The following MPP7 variants were observed in gnomAD, a reference collection of about 807,000 sequenced individuals.
MPP7 encodes the protein MAGUK p55 subfamily member 7.
Under a neutral mutation model 76.5 loss-of-function variants are expected in MPP7, and 60 were observed. The ratio of observed to expected loss-of-function variants is 0.78; its 90% confidence interval spans 0.64 to 0.97. MPP7 has a LOEUF of 0.97. MPP7 is among the 50% of genes least tolerant of loss of function. The pLI, the probability that MPP7 is intolerant of heterozygous loss-of-function variation, is 0.00. For synonymous variants in MPP7, 237 were observed against 244.5 expected, an observed-to-expected ratio of 0.97 and a Z score of 0.29; for missense variants, 641 against 694.0, an observed-to-expected ratio of 0.92 and a Z score of 0.86.
At chr10:28,209,688 T>A (rs942324304) in intron 2 of MPP7, among the ~76,000 whole-genome samples, 2 of 152,198 alleles carry the variant, frequency 1.3e-5, no homozygotes, top group Non-Finnish European at 2.9e-5. Flanking sequence ...CTTAACAATA[T>A]GCTAAGCCTG....
At chr10:28,074,381 T>C (rs558901301) in intron 12 of MPP7, among the ~76,000 whole-genome samples, 151 of 152,142 alleles carry the variant, frequency 9.9e-4, no homozygotes, top group Non-Finnish European at 1.8e-3. Context: ...CACTGCAACC[T>C]CCGCTTCCTG....
intron 14 of MPP7, 77 bp downstream of exon 14, chr10:28,059,573 T>A: frequency 1.2e-6 from 1 of 817,100 alleles, no homozygotes; most frequent in South Asian, 1.5e-5. Context: ...AATGGAGAAC[T>A]CTCAGTTGTC....
chr10:28,196,349 AG>A (rs1198208168), intron 3 of MPP7, among the ~76,000 whole-genome samples: 5 of 151,966 alleles, frequency 3.3e-5, no homozygotes, highest in African/African-American at 9.7e-5. Flanking sequence ...GCGTGGGGGC[AG>A]GTGCCTGTAA....
intron 3 of MPP7, among the ~76,000 whole-genome samples, chr10:28,180,799 G>A (rs73608057): frequency 0.016 from 2,431 of 152,280 alleles, 48 homozygotes; most frequent in African/African-American, 0.054. Context: ...AATGGGGGCT[G>A]GAGGGTAGGA....
intron 1 of MPP7, among the ~76,000 whole-genome samples, chr10:28,274,391 G>C (rs940399072): frequency 6.6e-6 from 1 of 151,770 alleles, no homozygotes; most frequent in African/African-American, 2.4e-5. Flanking sequence ...AAGCCACCGC[G>C]CCCGGCCAAA....
chr10:28,270,935 C>T (rs943774218), intron 1 of MPP7, among the ~76,000 whole-genome samples: 1 of 152,062 alleles, frequency 6.6e-6, no homozygotes, highest in African/African-American at 2.4e-5. Context: ...GTTTTTTGGA[C>T]TTTTTAGTAC....
Position 28,202,263 on chromosome 10 carries a change from C to T in MPP7, c.46G>A (p.Glu16Lys), listed in dbSNP as rs201119298. ...TGSGSDTGLY[E>K]LLAALPAQLQ... ...TGGGCTGGCAGAGCAGCCAACAGCT[C>T]ATACAGACCTATAAAATGAAAATAA... is the stretch of plus-strand genomic sequence containing the variant. The change falls in exon 3 of 17, where the codon GAG becomes AAG. Residue 16 changes from glutamate (E) to lysine (K), a missense_variant. By Grantham distance (56) the Glu-to-Lys change is moderately conservative. Coordinates refer to ENST00000683449, the MANE Select transcript of MPP7 (RefSeq NM_001318170.2). The T allele has an allele frequency of 7.5e-6, 12 of 1,606,890 alleles. No homozygotes were observed. Among genetic ancestry groups the T allele is most frequent in the African/African-American group, 1.3e-5 (1 of 74,800 alleles).
Position 28,248,843 on chromosome 10 carries a change from T to C in MPP7, c.-131-10108A>G, listed in dbSNP as rs565671534. The stretch of plus-strand genomic sequence containing the variant: ...GGCTGCACCATGCAGCCTAGGTGTG[T>C]AGTGGGCTCTGCCATTTGGGTTTGC... On this transcript the variant is annotated intron_variant, in intron 1 of 16. Coordinates refer to ENST00000683449, the MANE Select transcript of MPP7 (RefSeq NM_001318170.2). Among the ~76,000 whole-genome samples, 525 of 152,298 alleles carry C rather than the reference T, an allele frequency of 3.4e-3. 5 individuals carry two copies. Among genetic ancestry groups the C allele is most frequent in the African/African-American group, 0.012 (485 of 41,564 alleles).
chr10:28,222,843 C>A (rs1338856131), intron 2 of MPP7, among the ~76,000 whole-genome samples: 3 of 138,878 alleles, frequency 2.2e-5, no homozygotes, highest in African/African-American at 8.4e-5. Context: ...CAGAGCAAGA[C>A]TCCATCTCAA....
At chr10:28,225,868 C>T (rs1838671304) in intron 2 of MPP7, among the ~76,000 whole-genome samples, 2 of 152,122 alleles carry the variant, frequency 1.3e-5, no homozygotes, top group African/African-American at 4.8e-5. Context: ...AGTGACTTGG[C>T]TAATTTTAGG....
At chr10:28,198,447 C>T (rs1475151883) in intron 3 of MPP7, among the ~76,000 whole-genome samples, 1 of 151,862 alleles carries the variant, frequency 6.6e-6, no homozygotes, top group Admixed American at 6.6e-5. Context: ...TGGTGACAGA[C>T]GGCTGCAGTC....
rs1564643713 is a variant in MPP7 at position 28,124,110 on chromosome 10, A to G, written c.536T>C (p.Ile179Thr). 9 of 1,605,548 alleles carry G rather than the reference A, an allele frequency of 5.6e-6. No homozygotes were observed. The highest frequency in any genetic ancestry group is 6.8e-6 in the Non-Finnish European group (8 of 1,172,378). The change falls in exon 8 of 17, where the codon ATT becomes ACT. Residue 179 changes from isoleucine (I) to threonine (T), a missense_variant. Ile to Thr is a moderately conservative substitution (Grantham distance 89, BLOSUM62 -1). Coordinates refer to ENST00000683449, the MANE Select transcript of MPP7 (RefSeq NM_001318170.2). The stretch of plus-strand genomic sequence containing the variant: ...TTCCCTAAGTTCATCACCAACATGA[A>G]TAAGACCTGAGAAATAGGAGATTTG... ...RGGAADRSGL[I>T]HVGDELREVN...
At chr10:28,182,930 C>T (rs7067826) in intron 3 of MPP7, among the ~76,000 whole-genome samples, 125,535 of 152,112 alleles carry the variant, frequency 0.83, 52,415 homozygotes, top group African/African-American at 0.89. Flanking sequence ...ATACAAAAAT[C>T]AGCCGGGCGT....
chr10:28,200,036 C>T (rs1218951645), intron 3 of MPP7, among the ~76,000 whole-genome samples: 2 of 152,166 alleles, frequency 1.3e-5, no homozygotes, highest in Admixed American at 1.3e-4. Flanking sequence ...GATTTTGATT[C>T]ACTCTACCAC....
intron 1 of MPP7, among the ~76,000 whole-genome samples, chr10:28,271,765 G>A (rs1475918161): frequency 1.3e-5 from 2 of 152,148 alleles, no homozygotes; most frequent in Non-Finnish European, 2.9e-5. Context: ...CACGAGGTCA[G>A]GAGATCAAGA....
intron 13 of MPP7, among the ~76,000 whole-genome samples, chr10:28,061,022 G>A (rs1392212350): frequency 1.3e-5 from 2 of 152,110 alleles, no homozygotes; most frequent in Non-Finnish European, 2.9e-5. Flanking sequence ...ACAAAGGTGA[G>A]ATAAAAGAAG....
chr10:28,117,089 G>A (rs1212888605), intron 11 of MPP7, among the ~76,000 whole-genome samples: 1 of 151,956 alleles, frequency 6.6e-6, no homozygotes, highest in Admixed American at 6.5e-5. Context: ...CATCTTCCAT[G>A]AACTTTTCCC....
chr10:28,186,123 G>T (rs1312544045), intron 3 of MPP7, among the ~76,000 whole-genome samples: 1 of 152,144 alleles, frequency 6.6e-6, no homozygotes, highest in African/African-American at 2.4e-5. Flanking sequence ...AAGGCAGGTG[G>T]ATCACTTAGG....
At chr10:28,139,236 C>G (rs111430040) in intron 5 of MPP7, among the ~76,000 whole-genome samples, 1 of 152,168 alleles carries the variant, frequency 6.6e-6, no homozygotes, top group East Asian at 1.9e-4. Context: ...AGCTGCTTAA[C>G]TGATCACAGG....
Sources: allele counts gnomAD v4.1 joint callset (sites outside exome capture counted in the v4.1 genomes callset), GRCh38; gene constraint gnomAD v4.1.1; transcripts MANE v1.5; gene names NCBI Gene and HGNC (gene_info 2026-07-23, HGNC 2026-07-21).